Variants in TXNRD1 observed in about 807,000 individuals in gnomAD.
TXNRD1 encodes the protein thioredoxin reductase 1, also known as thioredoxin reductase 1, cytoplasmic.
In TXNRD1, 57 loss-of-function variants were observed where a neutral mutation model predicts 80.3. The ratio of observed to expected loss-of-function variants is 0.71; its 90% confidence interval spans 0.57 to 0.89. The LOEUF (loss-of-function observed/expected upper bound fraction) is 0.89, where lower values mean the gene tolerates loss of function less well. TXNRD1 is among the 40% of genes least tolerant of loss of function. The pLI, the probability that TXNRD1 is intolerant of heterozygous loss-of-function variation, is 0.00. For missense variants in TXNRD1, 730 were observed against 803.0 expected, an observed-to-expected ratio of 0.91 and a Z score of 1.10; for synonymous variants, 291 against 285.2, an observed-to-expected ratio of 1.02 and a Z score of -0.20.
At chr12:104,219,528 T>C (rs1022531099) in intron 1 of TXNRD1, among the ~76,000 whole-genome samples, 3 of 152,220 alleles carry the variant, frequency 2.0e-5, no homozygotes, top group African/African-American at 7.2e-5. Flanking sequence ...TGTCATGATG[T>C]GTAATCATAA....
intron 1 of TXNRD1, among the ~76,000 whole-genome samples, chr12:104,239,801 G>A (rs960657794): frequency 6.6e-6 from 1 of 152,078 alleles, no homozygotes; most frequent in African/African-American, 2.4e-5. Flanking sequence ...TCTTGACTCA[G>A]TTTGGGTAAT....
chr12:104,241,439 C>T (rs1223390655), intron 1 of TXNRD1, among the ~76,000 whole-genome samples: 1 of 152,044 alleles, frequency 6.6e-6, no homozygotes, highest in Non-Finnish European at 1.5e-5. Context: ...TGGCAAATCT[C>T]GGCTCACCGC....
chr12:104,313,203 A>T, intron 5 of TXNRD1, 42 bp from the exon 6 acceptor site: 1 of 1,484,918 alleles, frequency 6.7e-7, no homozygotes, highest in South Asian at 1.2e-5. Context: ...CCAATCTGTC[A>T]TGTTAACCTT....
intron 14 of TXNRD1, 106 bp downstream of exon 14, chr12:104,331,747 C>T (rs928187247): frequency 2.9e-6 from 2 of 696,348 alleles, no homozygotes; most frequent in South Asian, 2.0e-5. Context: ...TTTTCATATA[C>T]CCGTTATCCA....
At chr12:104,225,666 G>C (rs558315890) in intron 1 of TXNRD1, among the ~76,000 whole-genome samples, 1 of 150,638 alleles carries the variant, frequency 6.6e-6, no homozygotes, top group Non-Finnish European at 1.5e-5. Context: ...ATGACTAAAA[G>C]TTTCCTGAGG....
At chr12:104,346,062 G>A (rs1213619520) in intron 16 of TXNRD1, 4 of 1,154,420 alleles carry the variant, frequency 3.5e-6, no homozygotes, top group Admixed American at 2.3e-5. Context: ...ACCCAGGCTG[G>A]AGTGCAGTGG....
chr12:104,216,623 A>T (rs2032221440), intron 1 of TXNRD1, among the ~76,000 whole-genome samples: 1 of 152,240 alleles, frequency 6.6e-6, no homozygotes, highest in Non-Finnish European at 1.5e-5. Flanking sequence ...TGAGAGATTT[A>T]TCATAAACCC....
chr12:104,294,931 A>G (rs190722636), intron 4 of TXNRD1, among the ~76,000 whole-genome samples: 15 of 152,280 alleles, frequency 9.9e-5, no homozygotes, highest in African/African-American at 3.4e-4. Context: ...AACACAATTT[A>G]TTTTGTTTCT....
intron 4 of TXNRD1, among the ~76,000 whole-genome samples, chr12:104,302,175 C>A (rs1057331822): frequency 6.6e-6 from 1 of 151,996 alleles, no homozygotes; most frequent in Non-Finnish European, 1.5e-5. Context: ...CCTGAATTAC[C>A]CCTAGTTAAT....
chr12:104,265,520 C>T (rs544973918), intron 3 of TXNRD1: 16 of 1,610,158 alleles, frequency 9.9e-6, no homozygotes, highest in South Asian at 3.3e-5. Context: ...TTTGAGAAGT[C>T]CCCCCTGCGG....
Position 104,294,235 on chromosome 12 carries a change from C to A in TXNRD1, c.414+5195C>A, listed in dbSNP as rs868865406. 2.6e-5 allele frequency among the ~76,000 whole-genome samples: 3 copies of A among 117,412 alleles called. 1 individual carries two copies. The highest frequency in any genetic ancestry group is 5.5e-5 in the Non-Finnish European group (3 of 54,292). The allele number at this position is 117,412 out of a possible 152,430, so 77.0% of individuals were successfully genotyped here. A position where few individuals can be genotyped will look rare whatever the true frequency, so the allele number is the denominator to read the frequency against. Reference sequence around the variant, plus strand: ...TCTCTAAACTCCCCCGGGGAAAGGCCCCCCCCCCCGCCGCCGGCTTTCCCG... The same window carrying A: ...TCTCTAAACTCCCCCGGGGAAAGGCACCCCCCCCCGCCGCCGGCTTTCCCG... On this transcript the variant is annotated intron_variant, in intron 4 of 16. Transcript: ENST00000525566.
At chr12:104,300,656 A>G (rs1378577759) in intron 4 of TXNRD1, among the ~76,000 whole-genome samples, 4 of 152,168 alleles carry the variant, frequency 2.6e-5, no homozygotes, top group Admixed American at 1.3e-4. Context: ...AGCAATGTCT[A>G]AAGGCAGATT....
At chr12:104,281,351 G>A (rs2033872449) in intron 3 of TXNRD1, among the ~76,000 whole-genome samples, 1 of 150,420 alleles carries the variant, frequency 6.6e-6, no homozygotes, top group African/African-American at 2.5e-5. Flanking sequence ...CTCTAGCTTG[G>A]ACCAGGACAG....
Position 104,311,321 on chromosome 12 carries a change from T to A in TXNRD1, c.446T>A (p.Leu149Gln). The A allele has an allele frequency of 1.2e-6, 2 of 1,609,022 alleles. No homozygotes were observed. Among genetic ancestry groups the A allele is most frequent in the Non-Finnish European group, 1.7e-6 (2 of 1,177,324 alleles). ...CAGGAGGGCAGACTTCAAAAGCTAC[T>A]AAAAATGAACGGCCCTGAAGATCTT... Reference protein sequence around the residue: ...AYQEGRLQKLLKMNGPEDLPK... With the variant: ...AYQEGRLQKLQKMNGPEDLPK... The change falls in exon 5 of 17, where the codon CTA (leucine) becomes CAA (glutamine). Residue 149 changes from leucine (L) to glutamine (Q), a missense_variant. Physicochemically the swap from Leu to Gln is moderately radical, Grantham distance 113. Transcript: ENST00000525566.
intron 10 of TXNRD1, among the ~76,000 whole-genome samples, chr12:104,322,293 A>G (rs1307928699): frequency 6.6e-6 from 1 of 151,976 alleles, no homozygotes; most frequent in Non-Finnish European, 1.5e-5. Context: ...GAATCATCTC[A>G]TAATATTGTT....
chr12:104,261,743 A>G (rs2033372658), intron 3 of TXNRD1, among the ~76,000 whole-genome samples: 1 of 152,116 alleles, frequency 6.6e-6, no homozygotes. Flanking sequence ...AAACAATGCC[A>G]GTCTTCTCAC....
chr12:104,248,336 G>A (rs368999215), intron 1 of TXNRD1, among the ~76,000 whole-genome samples: 7 of 152,296 alleles, frequency 4.6e-5, no homozygotes, highest in African/African-American at 1.7e-4. Flanking sequence ...CCAGGCTGGA[G>A]TGCAGTGGTG....
chr12:104,256,728 C>A (rs1457440665), intron 2 of TXNRD1, among the ~76,000 whole-genome samples: 2 of 139,734 alleles, frequency 1.4e-5, no homozygotes, highest in Non-Finnish European at 3.0e-5. Context: ...TGCAGTGAGC[C>A]GAGATAGTGC....
intron 3 of TXNRD1, among the ~76,000 whole-genome samples, chr12:104,279,245 G>A (rs1319205086): frequency 6.6e-6 from 1 of 152,176 alleles, no homozygotes; most frequent in African/African-American, 2.4e-5. Flanking sequence ...TGAGGGAGGT[G>A]GACATTGATC....
Sources: allele counts gnomAD v4.1 joint callset (sites outside exome capture counted in the v4.1 genomes callset), GRCh38; gene constraint gnomAD v4.1.1; transcripts MANE v1.5; gene names NCBI Gene and HGNC (gene_info 2026-07-23, HGNC 2026-07-21).